Variants in ANO2 observed in about 807,000 individuals in gnomAD.
ANO2 encodes anoctamin 2.
A neutral mutation model predicts 124.2 loss-of-function variants in ANO2; 101 were observed. The observed-to-expected ratio is 0.81, with a 90% CI of 0.69 to 0.96. The LOEUF (loss-of-function observed/expected upper bound fraction) is 0.96. ANO2 is among the 40% of genes least tolerant of loss of function. The pLI, the probability that ANO2 is intolerant of heterozygous loss-of-function variation, is 0.00. For synonymous variants in ANO2, 486 were observed against 482.5 expected (o/e 1.01, Z -0.09); for missense variants, 1,293 against 1,274.5 (o/e 1.01, Z -0.22).
At position 5,867,832 on chromosome 12, in the gene ANO2, A is replaced by G. The variant is rs116418595; in HGVS notation, c.535-13691T>C. Among the ~76,000 whole-genome samples, 1,270 of 151,236 alleles carry G rather than the reference A, an allele frequency of 8.4e-3. 14 individuals carry two copies. Among genetic ancestry groups the G allele is most frequent in the African/African-American group, 0.029 (1,193 of 41,234 alleles). The stretch of plus-strand genomic sequence containing the variant: ...GATTTGATTACTTCGTGAGCTTCCA[A>G]AAATATCCAGATCAACCCAGCTGTC... On this transcript the variant is annotated intron_variant, in intron 3 of 24. Transcript: ENST00000682330.
At position 5,887,839 on chromosome 12, in the gene ANO2, CT is replaced by C. The variant is rs1262320751; in HGVS notation, c.534+33200del. Among the ~76,000 whole-genome samples, 616 of 137,930 alleles carry C rather than the reference CT, an allele frequency of 4.5e-3. 2 individuals are homozygous for C. Among genetic ancestry groups the C allele is most frequent in the African/African-American group, 8.2e-3 (311 of 37,886 alleles). The allele number at this position is 137,930 out of a possible 152,430, so 90.5% of individuals were successfully genotyped here. ...TAACATGCCCCCCGGTTTTTTTTTT[CT>C]TTTTTTTTTTTAGTGGAAACATGAA... On this transcript the variant is annotated intron_variant, in intron 3 of 24. Coordinates refer to ENST00000682330, the MANE Select transcript of ANO2 (RefSeq NM_001364791.2).
At position 5,655,150 on chromosome 12, in the gene ANO2, A is replaced by C. The variant is rs112619509; in HGVS notation, c.1546-7349T>G. 2.4e-3 allele frequency among the ~76,000 whole-genome samples: 368 copies of C among 152,172 alleles called. 3 individuals are homozygous for C. Among genetic ancestry groups the C allele is most frequent in the African/African-American group, 8.5e-3 (351 of 41,508 alleles). On this transcript the variant is annotated intron_variant, in intron 14 of 24. Transcript: ENST00000682330. ...CTCACTTTTTTATTGGGAAAAAAAA[A>C]CTCAAGATCATCATGTGAGAATCTC...
intron 16 of ANO2, among the ~76,000 whole-genome samples, chr12:5,633,526 A>G (rs1009338340): frequency 3.9e-5 from 6 of 152,056 alleles, no homozygotes; most frequent in African/African-American, 9.7e-5. Context: ...TCCATTGTCT[A>G]TGAAAAAAAT....
At chr12:5,740,243 G>T in intron 12 of ANO2, 1 of 303,740 alleles carries the variant, frequency 3.3e-6, no homozygotes, top group Non-Finnish European at 6.4e-6. Flanking sequence ...ACAAAGAGGA[G>T]CAGGGATGGG....
rs752777207 is a variant in ANO2 at position 5,900,940 on chromosome 12, C to T, written c.534+20100G>A. On this transcript the variant is annotated intron_variant, in intron 3 of 24. Transcript: ENST00000682330. This position sits in a 1 kb window ranked among gnomAD's most constrained non-coding sequence, Gnocchi z 4.2. ...TCCCCTGCCGGCAGCACTTTGATGGCTTTTTGTATTCATCAATTCAGACGT... is the reference window on the plus strand; with the variant it reads ...TCCCCTGCCGGCAGCACTTTGATGGTTTTTTGTATTCATCAATTCAGACGT... Among the ~76,000 whole-genome samples the T allele has an allele frequency of 1.3e-5, 2 of 152,176 alleles. No individual in the cohort carries two copies. The highest frequency in any genetic ancestry group is 3.9e-4 in the East Asian group (2 of 5,190).
chr12:5,933,466 A>C (rs1942516356), intron 1 of ANO2, among the ~76,000 whole-genome samples: 1 of 152,210 alleles, frequency 6.6e-6, no homozygotes, highest in African/African-American at 2.4e-5. Context: ...AGTGAGGATA[A>C]ATGAGGTGCC....
At chr12:5,690,014 T>TGCAGAAACTGGCTCTCC (rs920344015) in intron 14 of ANO2, among the ~76,000 whole-genome samples, 1 of 152,130 alleles carries the variant, frequency 6.6e-6, no homozygotes, top group Non-Finnish European at 1.5e-5. Flanking sequence ...TCAGACCACT[T>TGCAGAAACTGGCTCTCC]GCAGAAACTG....
chr12:5,704,939 T>A (rs1189856770), intron 14 of ANO2, among the ~76,000 whole-genome samples: 1 of 152,204 alleles, frequency 6.6e-6, no homozygotes, highest in African/African-American at 2.4e-5. Context: ...TAATTAAAAC[T>A]GATATATCAA....
At chr12:5,835,350 T>G (rs1286020915) in intron 4 of ANO2, among the ~76,000 whole-genome samples, 1 of 152,158 alleles carries the variant, frequency 6.6e-6, no homozygotes, top group Non-Finnish European at 1.5e-5. Flanking sequence ...TGCATGGAGA[T>G]CTGCTACACA....
At chr12:5,626,365 C>T (rs908499849) in intron 16 of ANO2, among the ~76,000 whole-genome samples, 1 of 152,106 alleles carries the variant, frequency 6.6e-6, no homozygotes, top group Non-Finnish European at 1.5e-5. Flanking sequence ...GAAACCCTGA[C>T]AGCTGCAGCC....
intron 19 of ANO2, among the ~76,000 whole-genome samples, chr12:5,604,210 GGGCATGTGTGTGGTT>G (rs1944096335): frequency 6.6e-6 from 1 of 152,158 alleles, no homozygotes; most frequent in African/African-American, 2.4e-5. Context: ...CATGGTCTTA[GGGCATGTGTGTGGTT>G]GGTGGTGCCG....
At chr12:5,841,744 A>C (rs1954521293) in intron 4 of ANO2, among the ~76,000 whole-genome samples, 1 of 152,076 alleles carries the variant, frequency 6.6e-6, no homozygotes, top group Non-Finnish European at 1.5e-5. Context: ...CAGTGCTCAC[A>C]TTTCAGCTTA....
chr12:5,713,713 C>A (rs4930795), intron 14 of ANO2, among the ~76,000 whole-genome samples: 111,603 of 152,116 alleles, frequency 0.73, 41,276 homozygotes, highest in Middle Eastern at 0.79. Flanking sequence ...CCAAGACTCA[C>A]ACTGGCAGTC....
chr12:5,816,518 T>A (rs1020163986), intron 7 of ANO2, among the ~76,000 whole-genome samples: 1 of 152,144 alleles, frequency 6.6e-6, no homozygotes, highest in Non-Finnish European at 1.5e-5. Flanking sequence ...GTTAACAGAC[T>A]CTAAAGACTC....
intron 1 of ANO2, among the ~76,000 whole-genome samples, chr12:5,927,690 C>T (rs1942147427): frequency 1.3e-5 from 2 of 152,184 alleles, no homozygotes; most frequent in South Asian, 4.1e-4. Flanking sequence ...TGGTAAAAAG[C>T]ATTTTGAAAA....
chr12:5,738,136 G>T (rs1322296276), intron 13 of ANO2, among the ~76,000 whole-genome samples: 2 of 152,208 alleles, frequency 1.3e-5, no homozygotes, highest in Non-Finnish European at 2.9e-5. Flanking sequence ...TCCATTCCAA[G>T]CTGCTGCCCT....
At chr12:5,826,907 C>A (rs1953974090) in intron 7 of ANO2, among the ~76,000 whole-genome samples, 1 of 152,168 alleles carries the variant, frequency 6.6e-6, no homozygotes, top group South Asian at 2.1e-4. Flanking sequence ...CCTAAAGCTG[C>A]CTCAAAAGCC....
At chr12:5,893,983 A>G (rs1939599158) in intron 3 of ANO2, among the ~76,000 whole-genome samples, 2 of 152,160 alleles carry the variant, frequency 1.3e-5, no homozygotes, top group African/African-American at 2.4e-5. Context: ...AGAACAATTT[A>G]TAATCCTCTG....
intron 10 of ANO2, among the ~76,000 whole-genome samples, chr12:5,790,635 T>G (rs1223849987): frequency 6.6e-6 from 1 of 152,184 alleles, no homozygotes; most frequent in East Asian, 1.9e-4. Flanking sequence ...TCGAAGCCTC[T>G]CCCTACCTTG....
Sources: gnomAD v4.1 joint callset for allele counts (sites outside exome capture counted in the v4.1 genomes callset) on GRCh38, gnomAD v4.1.1 for gene constraint, Gnocchi (gnomAD v3.1) non-coding constraint, MANE v1.5 for transcripts, NCBI Gene and HGNC (gene_info 2026-07-23, HGNC 2026-07-21) for gene names.